KIAA1958: variants seen among roughly 807,000 people sequenced by gnomAD.
KIAA1958 encodes KIAA1958, also known as uncharacterized protein KIAA1958.
KIAA1958 carries 14 observed loss-of-function variants against 47.2 expected under a neutral mutation model. The ratio of observed to expected loss-of-function variants is 0.30; its 90% CI spans 0.20 to 0.46. The LOEUF is 0.46. Ranked by LOEUF, KIAA1958 falls within the 20% of genes least tolerant of loss-of-function variation. KIAA1958 has a pLI of 1.00. For synonymous variants in KIAA1958, 354 were observed against 353.3 expected, an observed-to-expected ratio of 1.00 and a Z score of -0.02; for missense variants, 803 against 909.2, an observed-to-expected ratio of 0.88 and a Z score of 1.50.
intron 2 of KIAA1958, among the ~76,000 whole-genome samples, chr9:112,627,018 A>G (rs1836629248): frequency 6.6e-6 from 1 of 152,222 alleles, no homozygotes; most frequent in Admixed American, 6.5e-5. Flanking sequence ...AGGCTGTGCC[A>G]GTCAACATTT....
rs770539496 is a variant in KIAA1958 at position 112,660,284 on chromosome 9, G to A, written c.*215G>A. 3.2e-5 allele frequency: 18 copies of A among 569,876 alleles called. No individual in the cohort carries two copies. Among genetic ancestry groups the A allele is most frequent in the African/African-American group, 1.5e-4 (8 of 53,542 alleles). The allele number at this position is 569,876 out of a possible 1,614,324, so 35.3% of individuals were successfully genotyped here. ...ATTCGGATGGTTTATCCAAATGTGC[G>A]TCAACTTCGTTAGCTTTTAGAATCT... On this transcript the variant is annotated 3_prime_UTR_variant, in exon 4 of 4. Transcript: ENST00000337530.
chr9:112,542,871 G>A (rs1490616919), intron 1 of KIAA1958, among the ~76,000 whole-genome samples: 1 of 152,188 alleles, frequency 6.6e-6, no homozygotes, highest in Non-Finnish European at 1.5e-5. Context: ...TGAGATTTAA[G>A]GACCACAGGT....
intron 1 of KIAA1958, among the ~76,000 whole-genome samples, chr9:112,504,763 A>C (rs1834205055): frequency 6.6e-6 from 1 of 152,192 alleles, no homozygotes; most frequent in African/African-American, 2.4e-5. Flanking sequence ...TGATGCCAAT[A>C]ATGAAGTTTT....
intron 1 of KIAA1958, among the ~76,000 whole-genome samples, chr9:112,492,764 G>C (rs941220592): frequency 4.6e-5 from 7 of 151,340 alleles, no homozygotes; most frequent in Admixed American, 4.6e-4. Context: ...TTTTTTGTTT[G>C]TTTGAGACAG....
At chr9:112,595,930 C>A (rs551632802) in intron 2 of KIAA1958, among the ~76,000 whole-genome samples, 30 of 151,986 alleles carry the variant, frequency 2.0e-4, no homozygotes, top group African/African-American at 7.0e-4. Context: ...GGATTACAGG[C>A]ATGTGTCACC....
At chr9:112,582,201 ATAACT>A (rs1422970259) in intron 2 of KIAA1958, among the ~76,000 whole-genome samples, 1 of 152,184 alleles carries the variant, frequency 6.6e-6, no homozygotes, top group Non-Finnish European at 1.5e-5. Flanking sequence ...GTAGTCAATA[ATAACT>A]TAATTGTACA....
chr9:112,575,212 CCAGCCATAACCACTGAGGCCACAG>C lies in KIAA1958; in HGVS notation c.1135_1158del (p.Ala379_Ala386del). On this transcript the variant is annotated inframe_deletion, in exon 2 of 4. Coordinates refer to ENST00000337530, the MANE Select transcript of KIAA1958 (RefSeq NM_133465.4). Reference sequence around the variant, plus strand: ...CAGTCAGCAGCAGCCCCCAGTCGCTCCAGCCATAACCACTGAGGCCACAGCACAGTGCATACCAGGTATGGCACA... The same window carrying C: ...CAGTCAGCAGCAGCCCCCAGTCGCTCCACAGTGCATACCAGGTATGGCACA... 1 of 1,573,492 alleles carries C rather than the reference CCAGCCATAACCACTGAGGCCACAG, an allele frequency of 6.4e-7. No individual in the cohort carries two copies. Among genetic ancestry groups the C allele is most frequent in the Non-Finnish European group, 8.6e-7 (1 of 1,167,156 alleles).
At chr9:112,550,328 G>A (rs78712506) in intron 1 of KIAA1958, among the ~76,000 whole-genome samples, 311 of 152,328 alleles carry the variant, frequency 2.0e-3, no homozygotes, top group Non-Finnish European at 3.4e-3. Context: ...GAGGATCACT[G>A]ATGAATCTAT....
intron 2 of KIAA1958, among the ~76,000 whole-genome samples, chr9:112,584,512 A>G (rs903234857): frequency 9.2e-5 from 14 of 152,230 alleles, no homozygotes; most frequent in Admixed American, 7.9e-4. Context: ...AGTTACTACT[A>G]CTGTCTTCTA....
chr9:112,490,206 C>T (rs1448464714), intron 1 of KIAA1958, among the ~76,000 whole-genome samples: 2 of 152,116 alleles, frequency 1.3e-5, no homozygotes, highest in African/African-American at 4.8e-5. Context: ...CTCTTAAGTA[C>T]TGTCAAAAAT....
At chr9:112,606,382 A>G (rs943281836) in intron 2 of KIAA1958, among the ~76,000 whole-genome samples, 1 of 152,154 alleles carries the variant, frequency 6.6e-6, no homozygotes, top group African/African-American at 2.4e-5. Context: ...AGAAAAAAAA[A>G]TTTGTACTTG....
At position 112,665,665 on chromosome 9, in the gene KIAA1958, G is replaced by T. The variant is rs1006254148; in HGVS notation, c.*5596G>T. On this transcript the variant is annotated 3_prime_UTR_variant, in exon 4 of 4. Coordinates refer to ENST00000337530, the MANE Select transcript of KIAA1958 (RefSeq NM_133465.4). ...CCATGTATTCTCTTACTAAATGATT[G>T]CTCACTTGGGAACTTAATCGATCCT... 1 of 152,148 alleles carries T rather than the reference G, an allele frequency of 6.6e-6. No individual in the cohort carries two copies. The highest frequency in any genetic ancestry group is 2.4e-5 in the African/African-American group (1 of 41,426). The allele number at this position is 152,148 out of a possible 1,614,324, so 9.4% of individuals were successfully genotyped here. A position where few individuals can be genotyped will look rare whatever the true frequency, so the allele number is the denominator to read the frequency against.
chr9:112,584,263 A>G (rs552245538), intron 2 of KIAA1958, among the ~76,000 whole-genome samples: 1 of 152,310 alleles, frequency 6.6e-6, no homozygotes, highest in African/African-American at 2.4e-5. Flanking sequence ...TAAAGATGCT[A>G]ATAAAGCAAT....
chr9:112,567,897 G>A (rs1011604590), intron 1 of KIAA1958, among the ~76,000 whole-genome samples: 1 of 138,478 alleles, frequency 7.2e-6, no homozygotes, highest in African/African-American at 2.7e-5. Flanking sequence ...GGCGGAGGTT[G>A]CAGTGAGCAG....
chr9:112,535,468 T>C (rs1209126551), intron 1 of KIAA1958, among the ~76,000 whole-genome samples: 4 of 152,234 alleles, frequency 2.6e-5, no homozygotes, highest in Non-Finnish European at 5.9e-5. Context: ...ACCATTTTTT[T>C]TTTATTCATT....
intron 2 of KIAA1958, among the ~76,000 whole-genome samples, chr9:112,632,301 A>G (rs1188848917): frequency 1.3e-5 from 2 of 152,070 alleles, no homozygotes; most frequent in Admixed American, 1.3e-4. Context: ...TAGCATGTAG[A>G]AGGGTAACAC....
intron 1 of KIAA1958, among the ~76,000 whole-genome samples, chr9:112,526,180 A>G (rs914569860): frequency 4.4e-5 from 4 of 90,708 alleles, no homozygotes; most frequent in Admixed American, 1.2e-4. Flanking sequence ...TCCCATTCCA[A>G]TCATTGACTG....
intron 1 of KIAA1958, among the ~76,000 whole-genome samples, chr9:112,512,155 A>G (rs985622200): frequency 6.6e-6 from 1 of 152,214 alleles, no homozygotes; most frequent in Non-Finnish European, 1.5e-5. Context: ...AGGAGAGAAT[A>G]CTTCCCTTCT....
chr9:112,548,476 T>C (rs1415321741), intron 1 of KIAA1958, among the ~76,000 whole-genome samples: 4 of 152,242 alleles, frequency 2.6e-5, no homozygotes, highest in Admixed American at 1.3e-4. Context: ...TGGGGCTGTG[T>C]CATGTGCCAT....
Sources: allele counts gnomAD v4.1 joint callset (sites outside exome capture counted in the v4.1 genomes callset), GRCh38; gene constraint gnomAD v4.1.1; transcripts MANE v1.5; gene names NCBI Gene and HGNC (gene_info 2026-07-23, HGNC 2026-07-21).